The following PER3 variants were observed in gnomAD, a reference collection of about 807,000 sequenced individuals.
The protein encoded by PER3 is period circadian regulator 3.
PER3 carries 107 observed loss-of-function variants against 127.2 expected under a neutral mutation model. The ratio of observed to expected loss-of-function variants is 0.84; its 90% CI spans 0.72 to 0.99. The LOEUF is 0.99. Among genes scored for constraint, PER3 ranks in the 50% least tolerant of loss-of-function variants. The pLI is 0.00. For missense variants in PER3, 1,560 were observed against 1,525.8 expected, an observed-to-expected ratio of 1.02 and a Z score of -0.37; for synonymous variants, 618 against 585.8, an observed-to-expected ratio of 1.05 and a Z score of -0.79.
At chr1:7,800,640 T>C (rs1264318602) in intron 7 of PER3, among the ~76,000 whole-genome samples, 1 of 152,174 alleles carries the variant, frequency 6.6e-6, no homozygotes, top group Non-Finnish European at 1.5e-5. Flanking sequence ...GATTAAACTT[T>C]TTAGTTACTC....
intron 21 of PER3, among the ~76,000 whole-genome samples, chr1:7,837,524 T>TA (rs1275267455): frequency 9.2e-5 from 14 of 152,288 alleles, no homozygotes; most frequent in Non-Finnish European, 1.8e-4. Flanking sequence ...TGAAAAGAGT[T>TA]AAAAAAAGAT....
intron 5 of PER3, among the ~76,000 whole-genome samples, chr1:7,790,132 T>C (rs762923749): frequency 6.6e-6 from 1 of 152,258 alleles, no homozygotes; most frequent in Non-Finnish European, 1.5e-5. Flanking sequence ...TTCAGCCTTT[T>C]CATTTTTGCT....
rs1391990368 is a variant in PER3 at position 7,809,095 on chromosome 1, CA to C, written c.1242+100del. On this transcript the variant is annotated intron_variant, in intron 11 of 21. Coordinates refer to ENST00000377532, the MANE Select transcript of PER3 (RefSeq NM_001377275.1). The stretch of plus-strand genomic sequence containing the variant: ...CACAAAAATAAACTGTAAAGGGAGA[CA>C]AATCTTTGCCCTCTACATTCCAGAA... 9 of 632,128 alleles carry C rather than the reference CA, an allele frequency of 1.4e-5. No individual in the cohort carries two copies. The East Asian group carries it at 2.6e-4, about 18-fold the overall frequency. 39.2% of individuals were successfully genotyped at this position (632,128 alleles called of 1,614,324 possible). A position where few individuals can be genotyped will look rare whatever the true frequency, so the allele number is the denominator to read the frequency against.
chr1:7,833,214 T>A (rs1437442108), intron 19 of PER3, among the ~76,000 whole-genome samples: 3 of 152,348 alleles, frequency 2.0e-5, no homozygotes, highest in East Asian at 3.8e-4. Flanking sequence ...GATAAATGTT[T>A]CATGTGCATT....
At position 7,793,966 on chromosome 1, in the gene PER3, G is replaced by T. The variant is rs201029948; in HGVS notation, c.602G>T (p.Arg201Leu). 6 of 1,613,930 alleles carry T rather than the reference G, an allele frequency of 3.7e-6. No homozygotes were observed. Among genetic ancestry groups the T allele is most frequent in the South Asian group, 3.3e-5 (3 of 91,078 alleles). The change falls in exon 6 of 22, where the codon CGG (arginine) becomes CTG (leucine). Residue 201 changes from arginine to leucine, a missense_variant. By Grantham distance (102) the Arg-to-Leu change is moderately radical. Coordinates refer to ENST00000377532, the MANE Select transcript of PER3 (RefSeq NM_001377275.1). ...WNNWTQRAAA[R>L]YECAPVKPFF... The stretch of plus-strand genomic sequence containing the variant: ...GCATCTTTCTTTCTAGCAGCTGCAC[G>T]GTATGAATGTGCTCCGGTGAAACCT...
chr1:7,810,255 T>C, intron 12 of PER3, 183 bp from the exon 13 acceptor site: 1 of 620,480 alleles, frequency 1.6e-6, no homozygotes, highest in Non-Finnish European at 2.8e-6. Context: ...TGTGAACAGA[T>C]TTATTTAGAA....
chr1:7,828,064 A>G (rs191108357), intron 18 of PER3, among the ~76,000 whole-genome samples: 6 of 152,304 alleles, frequency 3.9e-5, no homozygotes, highest in Non-Finnish European at 8.8e-5. Context: ...CCAAAGTGCT[A>G]TCTTTTAAGT....
intron 13 of PER3, among the ~76,000 whole-genome samples, chr1:7,818,048 A>G (rs977792960): frequency 1.3e-5 from 2 of 152,164 alleles, no homozygotes; most frequent in African/African-American, 2.4e-5. Context: ...CATAACCTCA[A>G]TCTAATCATG....
At position 7,788,044 on chromosome 1, in the gene PER3, G is replaced by A; in HGVS notation, c.391-1G>A. On this transcript the variant is annotated splice_acceptor_variant, in intron 4 of 21. Coordinates refer to ENST00000377532, the MANE Select transcript of PER3 (RefSeq NM_001377275.1). LOFTEE classifies it high-confidence loss of function. ...GCATTTATTTTAAATGTTTTTCATA[G>A]GATACCTTTGTGGCAGTATTTTCAT... The A allele has an allele frequency of 6.2e-7, 1 of 1,601,408 alleles. No individual in the cohort carries two copies.
rs779782575 is a variant in PER3, at chr1:7,820,692, T to C, written c.1957+52T>C. The C allele has an allele frequency of 3.2e-5, 46 of 1,455,348 alleles. 1 individual carries two copies. Among genetic ancestry groups the C allele is most frequent in the Non-Finnish European group, 4.3e-5 (46 of 1,071,432 alleles). The allele number at this position is 1,455,348 out of a possible 1,614,324, so 90.2% of individuals were successfully genotyped here. On this transcript the variant is annotated intron_variant, in intron 16 of 21. Transcript: ENST00000377532. Reference sequence around the variant, plus strand: ...AATATACTCAACTTTAACTACATTGTGATGAGAAAACAAAAGTCATGAATA... The same window carrying C: ...AATATACTCAACTTTAACTACATTGCGATGAGAAAACAAAAGTCATGAATA...
chr1:7,784,932 C>G lies in PER3; in HGVS notation c.55C>G (p.Leu19Val). The part of the protein sequence containing the change: ...PGRRGAKDEA[L>V]GEESGERWSP... ...GAGACGGGGGGCTAAGGACGAGGCC[C>G]TGGGCGAAGAATCGGGGGAGCGGTG... is the stretch of plus-strand genomic sequence containing the variant. The change falls in exon 2 of 22, where the codon CTG becomes GTG. Residue 19 changes from leucine to valine, a missense_variant. Leu to Val is a conservative substitution (Grantham distance 32, BLOSUM62 1). Transcript: ENST00000377532. 6.5e-7 allele frequency: 1 copy of G among 1,539,956 alleles called. No individual in the cohort carries two copies. Among genetic ancestry groups the G allele is most frequent in the Non-Finnish European group, 8.7e-7 (1 of 1,155,126 alleles).
intron 6 of PER3, among the ~76,000 whole-genome samples, chr1:7,796,195 G>C (rs2097144420): frequency 6.6e-6 from 1 of 152,066 alleles, no homozygotes; most frequent in African/African-American, 2.4e-5. Context: ...GGTTCCTTTT[G>C]GTGGGAAATG....
At chr1:7,836,940 C>CG in intron 20 of PER3, 59 bp from the exon 21 acceptor site, 1 of 1,386,548 alleles carries the variant, frequency 7.2e-7, no homozygotes, top group Non-Finnish European at 1.0e-6. Context: ...TCCTAGATGA[C>CG]GGGAAAAGAA....
intron 8 of PER3, among the ~76,000 whole-genome samples, chr1:7,802,111 T>A (rs1454909803): frequency 1.3e-5 from 2 of 152,182 alleles, no homozygotes; most frequent in Non-Finnish European, 2.9e-5. Context: ...TATTTGTGGG[T>A]TTTTACACAG....
chr1:7,794,174 C>T (rs1253271546), intron 6 of PER3, among the ~76,000 whole-genome samples, 166 bp downstream of exon 6: 1 of 152,120 alleles, frequency 6.6e-6, no homozygotes, highest in African/African-American at 2.4e-5. Flanking sequence ...AAGAGACATA[C>T]TCATGAGAAA....
intron 15 of PER3, 63 bp from the exon 16 acceptor site, chr1:7,820,404 C>A: frequency 6.6e-7 from 1 of 1,511,418 alleles, no homozygotes; most frequent in Non-Finnish European, 9.0e-7. Flanking sequence ...TAAACTGGGT[C>A]TTTTATGTAA....
At chr1:7,831,758 C>A (rs2097332495) in intron 19 of PER3, among the ~76,000 whole-genome samples, 1 of 152,146 alleles carries the variant, frequency 6.6e-6, no homozygotes, top group African/African-American at 2.4e-5. Context: ...GCTCTTTTAT[C>A]CTTTTTTATA....
chr1:7,792,228 G>T (rs556605271), intron 5 of PER3, among the ~76,000 whole-genome samples: 1 of 152,088 alleles, frequency 6.6e-6, no homozygotes, highest in Non-Finnish European at 1.5e-5. Context: ...TGTCCTTCAC[G>T]TGGCAACAGC....
chr1:7,830,980 C>A (rs112749529), intron 19 of PER3, among the ~76,000 whole-genome samples: 2 of 152,282 alleles, frequency 1.3e-5, no homozygotes, highest in African/African-American at 4.8e-5. Context: ...AAATTATAGA[C>A]TCCATTTCTC....
Sources: gnomAD v4.1 joint callset for allele counts (sites outside exome capture counted in the v4.1 genomes callset) on GRCh38, gnomAD v4.1.1 for gene constraint, MANE v1.5 for transcripts, NCBI Gene and HGNC (gene_info 2026-07-23, HGNC 2026-07-21) for gene names.